RAB7A: variants seen among roughly 807,000 people sequenced by gnomAD.
RAB7A encodes RAB7A, member RAS oncogene family, also known as ras-related protein Rab-7a.
In RAB7A, 2 loss-of-function variants were observed where a neutral mutation model predicts 24.5. That is an observed-to-expected ratio of 0.08 (90% CI 0.03 to 0.26). RAB7A has a LOEUF of 0.26. Among genes scored for constraint, RAB7A ranks in the 10% least tolerant of loss-of-function variants. The pLI is 1.00. For missense variants in RAB7A, 118 were observed against 255.7 expected, an observed-to-expected ratio of 0.46 and a Z score of 3.67; for synonymous variants, 100 against 95.9, an observed-to-expected ratio of 1.04 and a Z score of -0.25.
chr3:128,790,015 A>C (rs73198852), intron 1 of RAB7A, among the ~76,000 whole-genome samples: 6,323 of 152,108 alleles, frequency 0.042, 180 homozygotes, highest in Non-Finnish European at 0.058. Flanking sequence ...TGGATTTGTC[A>C]GTCTCTTGAC....
rs1290970713 is a variant in RAB7A at position 128,813,823 on chromosome 3, AT to A, written c.*409del. ...CAGTTAATCTGTGTCTAATTATCTG[AT>A]TTTTTTTATTGGTCTTGTGGTCTTT... On this transcript the variant is annotated 3_prime_UTR_variant, in exon 6 of 6. Transcript: ENST00000265062. 11 of 272,310 alleles carry A rather than the reference AT, an allele frequency of 4.0e-5. No homozygotes were observed. The highest frequency in any genetic ancestry group is 6.6e-5 in the Non-Finnish European group (9 of 135,654). The allele number at this position is 272,310 out of a possible 1,614,324, so 16.9% of individuals were successfully genotyped here.
chr3:128,795,276 G>T, intron 1 of RAB7A, 84 bp from the exon 2 acceptor site: 1 of 1,150,376 alleles, frequency 8.7e-7, no homozygotes, highest in South Asian at 1.2e-5. Context: ...CACTGTTGGG[G>T]CTGCTCAGAC....
At chr3:128,770,034 GCT>G (rs2070869790) in intron 1 of RAB7A, among the ~76,000 whole-genome samples, 1 of 143,092 alleles carries the variant, frequency 7.0e-6, no homozygotes, top group African/African-American at 2.6e-5. Context: ...ACGGAGTCTC[GCT>G]CTGTCACCCA....
chr3:128,779,814 C>G (rs1422559294), intron 1 of RAB7A, among the ~76,000 whole-genome samples: 1 of 152,168 alleles, frequency 6.6e-6, no homozygotes, highest in Non-Finnish European at 1.5e-5. Flanking sequence ...CTCGAAACTC[C>G]TGGTCTCCCA....
In RAB7A at chr3:128,813,455, A is replaced by G. The variant is rs1317654016; in HGVS notation, c.*33A>G. The stretch of plus-strand genomic sequence containing the variant: ...GTGAGAGTTGAGCACAGAGTCCTTC[A>G]CAAACCAAGAACACACGTAGGCCTT... On this transcript the variant is annotated 3_prime_UTR_variant, in exon 6 of 6. Transcript: ENST00000265062. 4.4e-6 allele frequency: 7 copies of G among 1,586,506 alleles called. No homozygotes were observed. The highest frequency in any genetic ancestry group is 6.1e-6 in the Non-Finnish European group (7 of 1,155,530).
intron 1 of RAB7A, among the ~76,000 whole-genome samples, chr3:128,740,100 C>G (rs187997927): frequency 6.6e-6 from 1 of 151,582 alleles, no homozygotes; most frequent in Non-Finnish European, 1.5e-5. Context: ...GGGCTGGGCA[C>G]GGTGGCTCCC....
In RAB7A at chr3:128,768,085, C is replaced by T. The variant is rs116823439; in HGVS notation, c.-8-27275C>T. Reference sequence around the variant, plus strand: ...TCGTAATTCACCCTCCTGCCTACTGCCCTTCCTTACCCCTCTCCAGGTAAC... The same window carrying T: ...TCGTAATTCACCCTCCTGCCTACTGTCCTTCCTTACCCCTCTCCAGGTAAC... On this transcript the variant is annotated intron_variant, in intron 1 of 5. Coordinates refer to ENST00000265062, the MANE Select transcript of RAB7A (RefSeq NM_004637.6). Among the ~76,000 whole-genome samples, 723 of 152,256 alleles carry T rather than the reference C, an allele frequency of 4.7e-3. 5 individuals are homozygous for T. Among genetic ancestry groups the T allele is most frequent in the Admixed American group, 5.9e-3 (91 of 15,300 alleles).
At chr3:128,777,894 A>G (rs1047234367) in intron 1 of RAB7A, among the ~76,000 whole-genome samples, 4 of 152,068 alleles carry the variant, frequency 2.6e-5, no homozygotes, top group African/African-American at 9.7e-5. Flanking sequence ...TTGTATTTTT[A>G]GTAGAGACAG....
At chr3:128,776,475 G>T (rs1307131319) in intron 1 of RAB7A, among the ~76,000 whole-genome samples, 1 of 152,002 alleles carries the variant, frequency 6.6e-6, no homozygotes, top group Non-Finnish European at 1.5e-5. Flanking sequence ...TTTAGAGATG[G>T]GGTTTCACCA....
intron 3 of RAB7A, among the ~76,000 whole-genome samples, chr3:128,804,119 C>A (rs1337220910): frequency 7.0e-6 from 1 of 143,772 alleles, no homozygotes; most frequent in South Asian, 2.1e-4. Context: ...CCTGGGCCCC[C>A]CCCCGCCCCC....
chr3:128,743,446 G>C (rs1457384925), intron 1 of RAB7A, among the ~76,000 whole-genome samples: 2 of 152,240 alleles, frequency 1.3e-5, no homozygotes, highest in African/African-American at 4.8e-5. Flanking sequence ...TGCTGAGAGC[G>C]AGCAAGGGCC....
chr3:128,777,241 TG>T (rs1933116135), intron 1 of RAB7A, among the ~76,000 whole-genome samples: 1 of 152,160 alleles, frequency 6.6e-6, no homozygotes, highest in South Asian at 2.1e-4. Flanking sequence ...ACCCAGCCGC[TG>T]GAGTACAGTT....
chr3:128,757,001 G>A (rs920015917), intron 1 of RAB7A, among the ~76,000 whole-genome samples: 3 of 152,040 alleles, frequency 2.0e-5, no homozygotes, highest in East Asian at 1.9e-4. Context: ...GCACCACCAC[G>A]CCCGGCTCAT....
At chr3:128,746,513 AT>A (rs1316327869) in intron 1 of RAB7A, among the ~76,000 whole-genome samples, 4 of 149,376 alleles carry the variant, frequency 2.7e-5, no homozygotes, top group African/African-American at 9.9e-5. Context: ...TATTTTTTTT[AT>A]TTTTTTATTT....
intron 1 of RAB7A, among the ~76,000 whole-genome samples, chr3:128,727,927 G>T (rs997625260): frequency 6.6e-6 from 1 of 151,822 alleles, no homozygotes; most frequent in African/African-American, 2.4e-5. Flanking sequence ...AAAGCTTAGC[G>T]TTCACAATCC....
chr3:128,813,525 C>A lies in RAB7A; in HGVS notation c.*103C>A, dbSNP rs919241754. ...TCTTCCAAACAAAACATACATTGAT[C>A]TCTCACATCCAGCTGCCAAAAGAAA... On this transcript the variant is annotated 3_prime_UTR_variant, in exon 6 of 6. Coordinates refer to ENST00000265062, the MANE Select transcript of RAB7A (RefSeq NM_004637.6). 6 of 1,107,642 alleles carry A rather than the reference C, an allele frequency of 5.4e-6. No individual in the cohort carries two copies. The African/African-American group carries it at 9.3e-5, about 17-fold the overall frequency. The allele number at this position is 1,107,642 out of a possible 1,614,324, so 68.6% of individuals were successfully genotyped here.
rs1933445667 is a variant in RAB7A at position 128,791,177 on chromosome 3, T to C, written c.-8-4183T>C. 3.3e-5 allele frequency among the ~76,000 whole-genome samples: 5 copies of C among 152,242 alleles called. 1 individual carries two copies. In the South Asian group the frequency reaches 1.0e-3, roughly 32 times the overall value. On this transcript the variant is annotated intron_variant, in intron 1 of 5. Coordinates refer to ENST00000265062, the MANE Select transcript of RAB7A (RefSeq NM_004637.6). ...TTTTTTTTAAAGACAATTTTGCTCT[T>C]GTTGCCCAGGCTGGAGTGCGGTGGT... is the stretch of plus-strand genomic sequence containing the variant.
At chr3:128,789,518 A>C (rs1436924466) in intron 1 of RAB7A, among the ~76,000 whole-genome samples, 1 of 151,820 alleles carries the variant, frequency 6.6e-6, no homozygotes, top group Non-Finnish European at 1.5e-5. Flanking sequence ...TTTTCAGTAG[A>C]GATGGGTTTT....
intron 1 of RAB7A, among the ~76,000 whole-genome samples, chr3:128,740,681 A>G (rs2070543372): frequency 6.6e-6 from 1 of 151,476 alleles, no homozygotes; most frequent in Non-Finnish European, 1.5e-5. Context: ...GGATCGGTTG[A>G]GCCCAGGAGT....
Sources: allele counts gnomAD v4.1 joint callset (sites outside exome capture counted in the v4.1 genomes callset), GRCh38; gene constraint gnomAD v4.1.1; transcripts MANE v1.5; gene names NCBI Gene and HGNC (gene_info 2026-07-23, HGNC 2026-07-21).